EPHA4: variants seen among roughly 807,000 people sequenced by gnomAD.
EPHA4 encodes the protein ephrin type-A receptor 4.
Under a neutral mutation model 108.3 loss-of-function variants are expected in EPHA4, and 19 were observed. The ratio of observed to expected loss-of-function variants is 0.18; its 90% CI spans 0.12 to 0.26. The LOEUF (loss-of-function observed/expected upper bound fraction) is 0.26. Ranked by LOEUF, EPHA4 falls within the 10% of genes least tolerant of loss-of-function variation. The pLI, the probability that EPHA4 is intolerant of heterozygous loss-of-function variation, is 1.00. For missense variants in EPHA4, 917 were observed against 1,254.0 expected (o/e 0.73, Z 4.06); for synonymous variants, 449 against 455.5 (o/e 0.99, Z 0.18).
chr2:221,531,100 A>C (rs1693499012), intron 3 of EPHA4, among the ~76,000 whole-genome samples: 1 of 152,156 alleles, frequency 6.6e-6, no homozygotes, highest in South Asian at 2.1e-4. Flanking sequence ...ACGCTCTAAG[A>C]CTACTCAAGA....
intron 4 of EPHA4, among the ~76,000 whole-genome samples, chr2:221,485,368 T>C (rs1691947060): frequency 6.6e-6 from 1 of 152,170 alleles, no homozygotes; most frequent in African/African-American, 2.4e-5. Flanking sequence ...CTTCTTCCTG[T>C]GGGCAGCGAT....
rs1694547489 is a variant in EPHA4 at position 221,563,959 on chromosome 2, C to T, written c.595G>A (p.Val199Met). 4 of 1,614,036 alleles carry T rather than the reference C, an allele frequency of 2.5e-6. No individual in the cohort carries two copies. The highest frequency in any genetic ancestry group is 1.7e-5 in the Admixed American group (1 of 59,994). The part of the protein sequence containing the change: ...GACIALVSVR[V>M]FYKKCPLTVR... Reference sequence around the variant, plus strand: ...GTGAGTGGACACTTTTTATAGAACACACGGACTGATACCAGGGCGATGCAG... The same window carrying T: ...GTGAGTGGACACTTTTTATAGAACATACGGACTGATACCAGGGCGATGCAG... The change falls in exon 3 of 18, where the codon GTG (valine) becomes ATG (methionine). Residue 199 changes from valine to methionine, a missense_variant. Coordinates refer to ENST00000281821, the MANE Select transcript of EPHA4 (RefSeq NM_004438.5).
intron 3 of EPHA4, among the ~76,000 whole-genome samples, chr2:221,501,551 A>G (rs1692490613): frequency 6.6e-6 from 1 of 152,170 alleles, no homozygotes. Context: ...GAAGTGAGGA[A>G]TTTCAGCTTT....
intron 11 of EPHA4, among the ~76,000 whole-genome samples, chr2:221,441,573 G>C (rs557674625): frequency 6.6e-6 from 1 of 152,046 alleles, no homozygotes; most frequent in Non-Finnish European, 1.5e-5. Flanking sequence ...GTACCAAGAC[G>C]GGAGGGTGAA....
Position 221,455,561 on chromosome 2 carries a change from A to C in EPHA4, c.1701T>G (p.Phe567Leu). Residue 567 changes from phenylalanine (F) to leucine (L), a missense_variant, in exon 8 of 18, where the codon TTT (phenylalanine) becomes TTG (leucine). Physicochemically the swap from Phe to Leu is conservative, Grantham distance 22 (BLOSUM62 0). Around this residue, in one of 3 missense-constraint regions of EPHA4, gnomAD observed 758 missense variants for 1,076.7 expected, o/e 0.70. Transcript: ENST00000281821. The stretch of plus-strand genomic sequence containing the variant: ...TCAGTGCTTACCTCCGGCTGATGAC[A>C]AAAGCTGCAATGAGAATTACCACCA... ...VVLVVILIAA[F>L]VISRRRSKYS... 4 of 1,613,798 alleles carry C rather than the reference A, an allele frequency of 2.5e-6. No homozygotes were observed. The highest frequency in any genetic ancestry group is 3.4e-6 in the Non-Finnish European group (4 of 1,179,776).
At chr2:221,475,153 G>A (rs1026372411) in intron 5 of EPHA4, among the ~76,000 whole-genome samples, 1 of 152,202 alleles carries the variant, frequency 6.6e-6, no homozygotes, top group Non-Finnish European at 1.5e-5. Context: ...TTACAGGCGT[G>A]AGCCGCTGCA....
At chr2:221,501,839 C>T (rs1692498371) in intron 3 of EPHA4, among the ~76,000 whole-genome samples, 1 of 152,164 alleles carries the variant, frequency 6.6e-6, no homozygotes, top group Non-Finnish European at 1.5e-5. Context: ...GTCACAGTTT[C>T]AGGGTGAAAT....
intron 4 of EPHA4, 26 bp downstream of exon 4, chr2:221,500,991 G>A (rs1692469386): frequency 1.3e-6 from 2 of 1,540,894 alleles, no homozygotes; most frequent in Non-Finnish European, 8.8e-7. Context: ...GGCATCACAG[G>A]AATGAGAGAC....
chr2:221,539,423 A>C (rs994256448), intron 3 of EPHA4, among the ~76,000 whole-genome samples: 11 of 152,232 alleles, frequency 7.2e-5, no homozygotes, highest in African/African-American at 2.4e-4. Context: ...GACATGAAGG[A>C]ACGCAATCAA....
intron 4 of EPHA4, among the ~76,000 whole-genome samples, chr2:221,489,991 TA>T (rs1196924237): frequency 6.6e-6 from 1 of 151,722 alleles, no homozygotes; most frequent in East Asian, 1.9e-4. Flanking sequence ...GCAAAAATTA[TA>T]AAAATTAGCC....
intron 3 of EPHA4, among the ~76,000 whole-genome samples, chr2:221,514,789 A>T (rs551347938): frequency 3.9e-5 from 6 of 152,326 alleles, no homozygotes; most frequent in African/African-American, 1.4e-4. Flanking sequence ...AAACAAGACC[A>T]TGATGTTGAC....
chr2:221,421,093 T>C (rs1274927444), intron 17 of EPHA4, among the ~76,000 whole-genome samples: 1 of 151,986 alleles, frequency 6.6e-6, no homozygotes, highest in South Asian at 2.1e-4. Flanking sequence ...GTCAGGAGAT[T>C]GAGACCATCC....
intron 17 of EPHA4, among the ~76,000 whole-genome samples, chr2:221,422,810 A>G (rs570951179): frequency 1.2e-4 from 18 of 152,336 alleles, no homozygotes; most frequent in Non-Finnish European, 1.0e-4. Flanking sequence ...TTTACCATCC[A>G]GTTCTTTTCA....
At chr2:221,445,209 T>A (rs913131518) in intron 9 of EPHA4, among the ~76,000 whole-genome samples, 4 of 152,192 alleles carry the variant, frequency 2.6e-5, no homozygotes, top group Non-Finnish European at 4.4e-5. Context: ...GGCTTACATT[T>A]TGGACAGTGC....
At chr2:221,461,185 C>T (rs1691126434) in intron 5 of EPHA4, among the ~76,000 whole-genome samples, 1 of 152,182 alleles carries the variant, frequency 6.6e-6, no homozygotes, top group Non-Finnish European at 1.5e-5. Flanking sequence ...TGAAAATGAA[C>T]TATACTGTAC....
At chr2:221,542,276 T>A (rs1256447494) in intron 3 of EPHA4, among the ~76,000 whole-genome samples, 1 of 152,214 alleles carries the variant, frequency 6.6e-6, no homozygotes, top group Non-Finnish European at 1.5e-5. Flanking sequence ...TAATTATTAA[T>A]AATAGTCCAT....
chr2:221,511,001 T>C (rs1692810003), intron 3 of EPHA4, among the ~76,000 whole-genome samples: 1 of 152,342 alleles, frequency 6.6e-6, no homozygotes, highest in Non-Finnish European at 1.5e-5. Context: ...CAATCTCTAG[T>C]TGATAATCCT....
chr2:221,487,625 C>T (rs1692017209), intron 4 of EPHA4, among the ~76,000 whole-genome samples: 6 of 152,140 alleles, frequency 3.9e-5, no homozygotes, highest in Admixed American at 3.3e-4. Flanking sequence ...CAAATCAAGA[C>T]ATTCTAAAAT....
intron 3 of EPHA4, among the ~76,000 whole-genome samples, chr2:221,548,092 T>C (rs1342705741): frequency 6.6e-6 from 1 of 152,150 alleles, no homozygotes; most frequent in Non-Finnish European, 1.5e-5. Flanking sequence ...TGGGAGGTGA[T>C]CGGATCATGG....
Sources: gnomAD v4.1 joint callset for allele counts (sites outside exome capture counted in the v4.1 genomes callset) on GRCh38, gnomAD v4.1.1 for gene constraint, gnomAD v4.1.1 regional missense constraint, MANE v1.5 for transcripts, NCBI Gene and HGNC (gene_info 2026-07-23, HGNC 2026-07-21) for gene names.